MBP: variants seen among roughly 807,000 people sequenced by gnomAD.
The protein encoded by MBP is myelin basic protein, also known as Golli-MBP.
Under a neutral mutation model 35.8 loss-of-function variants are expected in MBP, and 16 were observed. The observed-to-expected ratio is 0.45, with a 90% CI of 0.30 to 0.68. MBP has a LOEUF of 0.68. Among genes scored for constraint, MBP ranks in the 30% least tolerant of loss-of-function variants. The pLI is 0.08. For synonymous variants in MBP, 143 were observed against 159.6 expected, an observed-to-expected ratio of 0.90 and a Z score of 0.78; for missense variants, 380 against 404.7, an observed-to-expected ratio of 0.94 and a Z score of 0.52.
intron 2 of MBP, chr18:77,093,417 A>G (rs72990966): frequency 0.11 from 17,202 of 152,278 alleles, 1,214 homozygotes; most frequent in Non-Finnish European, 0.16. Context: ...TCACCCCATT[A>G]TTTTTAATAA....
At chr18:77,065,927 A>T (rs1974175596) in intron 3 of MBP, 5 of 197,072 alleles carry the variant, frequency 2.5e-5, no homozygotes, top group African/African-American at 1.2e-4. Context: ...GAGCAATCAT[A>T]GCTCACTGCA....
chr18:77,109,907 T>G (rs1223974464), intron 1 of MBP: 1 of 152,270 alleles, frequency 6.6e-6, no homozygotes, highest in African/African-American at 2.4e-5. Flanking sequence ...TCTTTGGACG[T>G]TGTTTTCATA....
At chr18:76,984,682 C>T in intron 8 of MBP, 93 bp downstream of exon 8, 1 of 1,564,698 alleles carries the variant, frequency 6.4e-7, no homozygotes. Flanking sequence ...TGCGGCTGAG[C>T]CAGAGGCGGC....
At chr18:76,992,305 C>T (rs567029981) in intron 4 of MBP, among the ~76,000 whole-genome samples, 1 of 152,284 alleles carries the variant, frequency 6.6e-6, no homozygotes, top group Admixed American at 6.5e-5. Flanking sequence ...CTCGATCCCT[C>T]GAACATGCCA....
chr18:77,047,394 C>T (rs1025120695), intron 3 of MBP, among the ~76,000 whole-genome samples: 4 of 152,238 alleles, frequency 2.6e-5, no homozygotes, highest in East Asian at 1.9e-4. Flanking sequence ...TAAAACACCA[C>T]GCATTTACAG....
intron 4 of MBP, chr18:77,002,755 G>A (rs1347692982): frequency 2.0e-5 from 3 of 152,368 alleles, no homozygotes; most frequent in South Asian, 2.1e-4. Context: ...AACGTAGGAT[G>A]AGAGGCTCAC....
intron 4 of MBP, chr18:77,009,921 G>A: frequency 6.3e-7 from 1 of 1,583,054 alleles, no homozygotes; most frequent in South Asian, 1.2e-5. Flanking sequence ...GCTTTAGCCA[G>A]GGTACCTGCC....
intron 3 of MBP, chr18:77,065,797 G>A (rs74341018): frequency 0.012 from 1,900 of 154,880 alleles, 31 homozygotes; most frequent in African/African-American, 0.044. Context: ...AAACAAAACC[G>A]AGATGGGAAG....
intron 7 of MBP, chr18:76,985,153 C>A (rs1467929392): frequency 2.0e-6 from 3 of 1,527,142 alleles, no homozygotes; most frequent in Admixed American, 3.6e-5. Flanking sequence ...GATATGCGGC[C>A]CAACCACACA....
chr18:77,095,478 G>A (rs564231958), intron 2 of MBP: 29 of 152,358 alleles, frequency 1.9e-4, no homozygotes, highest in African/African-American at 5.3e-4. Context: ...CATGACAGCC[G>A]TGTCACAGCA....
intron 2 of MBP, among the ~76,000 whole-genome samples, chr18:77,076,433 G>A (rs1974653452): frequency 6.6e-6 from 1 of 152,264 alleles, no homozygotes; most frequent in Non-Finnish European, 1.5e-5. Flanking sequence ...CCCTGGCCCA[G>A]CTGCACCTGC....
Position 77,118,583 on chromosome 18 carries a change from G to A in MBP, c.-25-13297C>T, listed in dbSNP as rs573029623. Among the ~76,000 whole-genome samples the A allele has an allele frequency of 8.1e-4, 120 of 147,672 alleles. 1 individual carries two copies. The South Asian group carries it at 0.024, about 30-fold the overall frequency. ...CTGGATTCCAACACACAGGCCACCC[G>A]CCCCACCCACACACACACTCCACAG... On this transcript the variant is annotated intron_variant, in intron 1 of 8. Transcript: ENST00000355994.
At chr18:77,053,693 G>C (rs948620989) in intron 3 of MBP, among the ~76,000 whole-genome samples, 2 of 152,206 alleles carry the variant, frequency 1.3e-5, no homozygotes, top group African/African-American at 4.8e-5. Context: ...ATTTTATGTG[G>C]AACACTGCCA....
At chr18:76,985,515 C>T in intron 7 of MBP, 1 of 1,161,638 alleles carries the variant, frequency 8.6e-7, no homozygotes. Context: ...CCTGAGCTCT[C>T]TCCCAGGGTG....
At chr18:77,104,622 G>A (rs765187167) in intron 2 of MBP, among the ~76,000 whole-genome samples, 1 of 152,186 alleles carries the variant, frequency 6.6e-6, no homozygotes. Flanking sequence ...CTAAAAGAAA[G>A]TCTGATGTGT....
At chr18:77,111,223 A>G (rs1330294517) in intron 1 of MBP, among the ~76,000 whole-genome samples, 1 of 152,228 alleles carries the variant, frequency 6.6e-6, no homozygotes, top group Non-Finnish European at 1.5e-5. Flanking sequence ...CCCAGTGCTC[A>G]TGGGCACGGT....
At chr18:77,059,432 T>TAA (rs1973873065) in intron 3 of MBP, among the ~76,000 whole-genome samples, 1 of 151,556 alleles carries the variant, frequency 6.6e-6, no homozygotes, top group Admixed American at 6.6e-5. Context: ...TTATTAATTA[T>TAA]AATGAATTTA....
chr18:77,128,542 C>CACAG (rs1249842996), intron 1 of MBP, among the ~76,000 whole-genome samples: 1 of 152,000 alleles, frequency 6.6e-6, no homozygotes, highest in Admixed American at 6.6e-5. Flanking sequence ...CACACACACA[C>CACAG]ACACACACAG....
At chr18:77,009,727 C>T (rs1404050436) in intron 4 of MBP, 4 of 845,930 alleles carry the variant, frequency 4.7e-6, no homozygotes, top group African/African-American at 3.4e-5. Context: ...TCACAGATGC[C>T]CCGGAGGCTG....
Sources: allele counts gnomAD v4.1 joint callset (sites outside exome capture counted in the v4.1 genomes callset), GRCh38; gene constraint gnomAD v4.1.1; transcripts MANE v1.5; gene names NCBI Gene and HGNC (gene_info 2026-07-23, HGNC 2026-07-21).